SLIRP: variants seen among roughly 807,000 people sequenced by gnomAD.
SLIRP encodes SRA stem-loop-interacting RNA-binding protein, mitochondrial.
In SLIRP, 12 loss-of-function variants were observed where a neutral mutation model predicts 13.4. That is an observed-to-expected ratio of 0.89 (90% CI 0.57 to 1.45). The LOEUF (loss-of-function observed/expected upper bound fraction) is 1.45. Among genes scored for constraint, SLIRP ranks in the 40% most tolerant of loss-of-function variants. The pLI is 0.00. For missense variants in SLIRP, 154 were observed against 132.2 expected (o/e 1.17, Z -0.81); for synonymous variants, 55 against 47.1 (o/e 1.17, Z -0.69).
At chr14:77,716,071 C>A (rs1490802174) in intron 3 of SLIRP, 192 bp downstream of exon 3, 1 of 462,180 alleles carries the variant, frequency 2.2e-6, no homozygotes, top group Non-Finnish European at 3.9e-6. Context: ...AATCCCAGCA[C>A]TTTGGGAGGC....
chr14:77,708,667 A>G (rs972799224), intron 1 of SLIRP, among the ~76,000 whole-genome samples: 1 of 152,230 alleles, frequency 6.6e-6, no homozygotes, highest in Non-Finnish European at 1.5e-5. Context: ...GTGATGGCTT[A>G]AGTGGGAGAA....
At chr14:77,717,370 A>C in intron 3 of SLIRP, 126 bp from the exon 4 acceptor site, 1 of 773,300 alleles carries the variant, frequency 1.3e-6, no homozygotes, top group Non-Finnish European at 2.2e-6. Context: ...AAACGAAAGA[A>C]CAAGGGACAA....
At chr14:77,710,620 T>G (rs1177247883) in intron 1 of SLIRP, 2 of 1,517,364 alleles carry the variant, frequency 1.3e-6, no homozygotes, top group East Asian at 5.1e-5. Context: ...GGATGGAGAC[T>G]GCAGCCAACT....
chr14:77,713,042 T>G (rs1461229298), intron 2 of SLIRP, among the ~76,000 whole-genome samples: 2 of 152,158 alleles, frequency 1.3e-5, no homozygotes, highest in Non-Finnish European at 2.9e-5. Context: ...GAGGAGATTA[T>G]ATAGGGTGTA....
chr14:77,716,020 G>A (rs1214070690), intron 3 of SLIRP, 141 bp downstream of exon 3: 2 of 734,882 alleles, frequency 2.7e-6, no homozygotes, highest in Non-Finnish European at 4.4e-6. Flanking sequence ...TGCTTGTTAA[G>A]AATGGTGGGG....
At chr14:77,710,997 G>C in intron 2 of SLIRP, 101 bp downstream of exon 2, 2 of 956,988 alleles carry the variant, frequency 2.1e-6, no homozygotes, top group Non-Finnish European at 3.3e-6. Context: ...GGGTGACTAT[G>C]GTCAATAATA....
intron 3 of SLIRP, among the ~76,000 whole-genome samples, chr14:77,716,624 A>G (rs1237494066): frequency 5.0e-5 from 7 of 140,808 alleles, no homozygotes; most frequent in African/African-American, 1.8e-4. Flanking sequence ...CCTGGGCAAC[A>G]AGAGCAAAAC....
chr14:77,708,393 G>A (rs888567785), intron 1 of SLIRP, among the ~76,000 whole-genome samples, 185 bp downstream of exon 1: 9 of 152,210 alleles, frequency 5.9e-5, no homozygotes, highest in African/African-American at 2.2e-4. Context: ...TGAGCTTTTG[G>A]GGTCACGAAT....
intron 1 of SLIRP, among the ~76,000 whole-genome samples, chr14:77,708,698 G>T (rs2080415780): frequency 6.6e-6 from 1 of 152,182 alleles, no homozygotes; most frequent in African/African-American, 2.4e-5. Flanking sequence ...TAAAGGAAAG[G>T]GAGAAATGAT....
rs1377302372 is a variant in SLIRP, at chr14:77,712,507, C to T, written c.156+1611C>T. Among the ~76,000 whole-genome samples, 9 of 138,042 alleles carry T rather than the reference C, an allele frequency of 6.5e-5. 1 individual carries two copies. The highest frequency in any genetic ancestry group is 4.5e-4 in the South Asian group (2 of 4,434). 90.6% of individuals were successfully genotyped at this position (138,042 alleles called of 152,430 possible). On this transcript the variant is annotated intron_variant, in intron 2 of 3. Coordinates refer to ENST00000557342, the MANE Select transcript of SLIRP (RefSeq NM_031210.6). The stretch of plus-strand genomic sequence containing the variant: ...TGGCCTAGGCTGGAGTGCAGTGGCG[C>T]GATCTCGGCTCACCACAAGCTCTGC...
intron 3 of SLIRP, among the ~76,000 whole-genome samples, chr14:77,716,675 T>TA (rs1257162283): frequency 2.1e-5 from 3 of 142,598 alleles, no homozygotes; most frequent in Non-Finnish European, 4.5e-5. Flanking sequence ...TGGGGGGTGG[T>TA]AGAGTGCCCA....
rs148042958 is a variant in SLIRP, at chr14:77,715,869, A to C, written c.254A>C (p.Asp85Ala). 6.2e-7 allele frequency: 1 copy of C among 1,612,406 alleles called. No homozygotes were observed. The highest frequency in any genetic ancestry group is 1.3e-5 in the African/African-American group (1 of 75,026). Residue 85 changes from aspartate to alanine, a missense_variant, in exon 3 of 4, where the codon GAT becomes GCT. Transcript: ENST00000557342. ...CTACAACAGGAAAATCATATTATAG[A>C]TGGAGTAAAGGTAAATTTATTTCTA... ...NALQQENHIIDGVKVQVHTRR... is the reference protein window; with the variant it reads ...NALQQENHIIAGVKVQVHTRR...
chr14:77,711,029 C>CA (rs1356805909), intron 2 of SLIRP, 133 bp downstream of exon 2: 3 of 787,138 alleles, frequency 3.8e-6, no homozygotes, highest in Admixed American at 4.9e-5. Flanking sequence ...TAAAATAACT[C>CA]AGAGTGTAAT....
intron 1 of SLIRP, 83 bp from the exon 2 acceptor site, chr14:77,710,755 T>G (rs772747112): frequency 4.5e-5 from 71 of 1,591,312 alleles, no homozygotes; most frequent in Non-Finnish European, 5.1e-5. Context: ...CCACAAGAAA[T>G]CTGGTGACCC....
chr14:77,714,549 C>G (rs781684706), intron 2 of SLIRP, among the ~76,000 whole-genome samples: 1 of 152,220 alleles, frequency 6.6e-6, no homozygotes, highest in Non-Finnish European at 1.5e-5. Flanking sequence ...CATCCATCCA[C>G]CTCAGCCTCC....
chr14:77,713,627 G>A (rs908995386), intron 2 of SLIRP, among the ~76,000 whole-genome samples: 1 of 152,184 alleles, frequency 6.6e-6, no homozygotes, highest in Non-Finnish European at 1.5e-5. Flanking sequence ...TTATCCTACA[G>A]AAATGTGTGG....
intron 1 of SLIRP, among the ~76,000 whole-genome samples, chr14:77,710,366 A>AT (rs2080430689): frequency 6.6e-6 from 1 of 152,196 alleles, no homozygotes; most frequent in Non-Finnish European, 1.5e-5. Flanking sequence ...TAATTCAATT[A>AT]GTTGTACTAG....
chr14:77,715,740 G>C, intron 2 of SLIRP, 32 bp from the exon 3 acceptor site: 2 of 1,569,098 alleles, frequency 1.3e-6, no homozygotes, highest in Non-Finnish European at 1.7e-6. Context: ...TGAAGTTCAT[G>C]ATTAATCTTT....
In SLIRP at chr14:77,717,560, G is replaced by A. The variant is rs2080497635; in HGVS notation, c.329G>A (p.Ter110=). 6.2e-7 allele frequency: 1 copy of A among 1,613,190 alleles called. No individual in the cohort carries two copies. The highest frequency in any genetic ancestry group is 1.3e-5 in the African/African-American group (1 of 75,006). ...TCTGATGATGAAAAGAAAGATTTTT[G>A]AGACTGCAGCCTATTAATAAAGTTA... is the stretch of plus-strand genomic sequence containing the variant. ...QTSDDEKKDF[*] Residue 110 remains the stop codon, a stop_retained_variant, in exon 4 of 4, where the codon TGA becomes TAA. Coordinates refer to ENST00000557342, the MANE Select transcript of SLIRP (RefSeq NM_031210.6).
Sources: allele counts gnomAD v4.1 joint callset (sites outside exome capture counted in the v4.1 genomes callset), GRCh38; gene constraint gnomAD v4.1.1; transcripts MANE v1.5; gene names NCBI Gene and HGNC (gene_info 2026-07-23, HGNC 2026-07-21).